Variants in CCSER1 observed in about 807,000 individuals in gnomAD.
CCSER1 encodes serine-rich coiled-coil domain-containing protein 1.
CCSER1 carries 41 observed loss-of-function variants against 82.0 expected under a neutral mutation model. That is an observed-to-expected ratio of 0.50 (90% CI 0.39 to 0.65). The LOEUF is 0.65. Among genes scored for constraint, CCSER1 ranks in the 30% least tolerant of loss-of-function variants. The pLI, the probability that CCSER1 is intolerant of heterozygous loss-of-function variation, is 0.00. For synonymous variants in CCSER1, 414 were observed against 383.9 expected (o/e 1.08, Z -0.92); for missense variants, 1,119 against 1,064.2 (o/e 1.05, Z -0.72).
intron 6 of CCSER1, among the ~76,000 whole-genome samples, chr4:90,702,023 G>T (rs571119537): frequency 6.6e-6 from 1 of 152,092 alleles, no homozygotes; most frequent in Non-Finnish European, 1.5e-5. Context: ...GAATAGGAGC[G>T]GTGAGAGAGG....
At chr4:91,593,493 T>A (rs889141889) in intron 10 of CCSER1, among the ~76,000 whole-genome samples, 2 of 146,416 alleles carry the variant, frequency 1.4e-5, no homozygotes, top group South Asian at 4.4e-4. Flanking sequence ...TTTTTTTTTT[T>A]AGTACAGACA....
At chr4:90,397,774 T>C (rs1182257843) in intron 3 of CCSER1, among the ~76,000 whole-genome samples, 2 of 152,124 alleles carry the variant, frequency 1.3e-5, no homozygotes, top group Admixed American at 1.3e-4. Flanking sequence ...GCTAGATGGA[T>C]TGGGTAGGGT....
intron 1 of CCSER1, among the ~76,000 whole-genome samples, chr4:90,248,248 C>T (rs993403084): frequency 3.9e-5 from 6 of 152,030 alleles, no homozygotes; most frequent in Non-Finnish European, 7.4e-5. Context: ...TTTCCTAGGG[C>T]GTGTCACACA....
chr4:91,396,707 G>T (rs536052408), intron 10 of CCSER1, among the ~76,000 whole-genome samples: 1 of 152,082 alleles, frequency 6.6e-6, no homozygotes, highest in East Asian at 1.9e-4. Flanking sequence ...TTTTACTTGA[G>T]AAGATAAGCA....
At chr4:90,993,526 C>T (rs1737221174) in intron 9 of CCSER1, among the ~76,000 whole-genome samples, 1 of 151,654 alleles carries the variant, frequency 6.6e-6, no homozygotes, top group African/African-American at 2.4e-5. Context: ...CAATATATTA[C>T]TGTCTTAGAT....
intron 1 of CCSER1, among the ~76,000 whole-genome samples, chr4:90,242,886 T>C (rs1720628473): frequency 6.6e-6 from 1 of 152,140 alleles, no homozygotes; most frequent in African/African-American, 2.4e-5. Flanking sequence ...AAATCTTAGA[T>C]TGCACATCCT....
At chr4:91,279,781 G>T (rs541356046) in intron 10 of CCSER1, among the ~76,000 whole-genome samples, 142 of 152,160 alleles carry the variant, frequency 9.3e-4, no homozygotes, top group African/African-American at 3.1e-3. Flanking sequence ...GAGAATGATT[G>T]TGTTTTTTGG....
intron 1 of CCSER1, among the ~76,000 whole-genome samples, chr4:90,172,896 A>T (rs1275127144): frequency 1.3e-5 from 2 of 151,880 alleles, no homozygotes; most frequent in Non-Finnish European, 2.9e-5. Context: ...GGATTGTAAA[A>T]TCTGCAATAA....
chr4:90,405,772 A>G (rs934298081), intron 4 of CCSER1, among the ~76,000 whole-genome samples: 1 of 152,188 alleles, frequency 6.6e-6, no homozygotes, highest in Non-Finnish European at 1.5e-5. Context: ...AGCTTCATAA[A>G]TGAAGGAAAG....
intron 1 of CCSER1, among the ~76,000 whole-genome samples, chr4:90,204,937 T>G (rs769663564): frequency 2.0e-5 from 3 of 152,202 alleles, no homozygotes; most frequent in Non-Finnish European, 4.4e-5. Flanking sequence ...TCCTAGGTAT[T>G]TAATTCTCTT....
At position 90,815,786 on chromosome 4, in the gene CCSER1, A is replaced by G. The variant is rs1461905052; in HGVS notation, c.2035A>G (p.Met679Val). The part of the protein sequence containing the change: ...FKDIMKDECS[M>V]LKLQLKEKDE... ...GGATATAATGAAAGATGAATGCTCG[A>G]TGCTCAAGCTGCAGCTGAAAGAGAA... The change falls in exon 8 of 11, where the codon ATG becomes GTG. Residue 679 changes from methionine to valine, a missense_variant. Coordinates refer to ENST00000509176, the MANE Select transcript of CCSER1 (RefSeq NM_001145065.2). The G allele has an allele frequency of 6.4e-7, 1 of 1,551,184 alleles. No homozygotes were observed. The highest frequency in any genetic ancestry group is 8.7e-7 in the Non-Finnish European group (1 of 1,146,756).
intron 8 of CCSER1, among the ~76,000 whole-genome samples, chr4:90,899,901 T>C (rs780005081): frequency 2.0e-5 from 3 of 151,906 alleles, no homozygotes; most frequent in Admixed American, 2.0e-4. Context: ...TGTTGACTTA[T>C]AGTTTTCTTT....
At chr4:90,359,982 G>T (rs1745060854) in intron 3 of CCSER1, among the ~76,000 whole-genome samples, 1 of 147,896 alleles carries the variant, frequency 6.8e-6, no homozygotes, top group South Asian at 2.1e-4. Flanking sequence ...GTGGGAGCAA[G>T]ATCTCGGCTT....
chr4:90,183,597 T>A (rs1414992509), intron 1 of CCSER1, among the ~76,000 whole-genome samples: 1 of 152,150 alleles, frequency 6.6e-6, no homozygotes, highest in Non-Finnish European at 1.5e-5. Flanking sequence ...GTGGAACAAA[T>A]AATGAACAAT....
intron 1 of CCSER1, among the ~76,000 whole-genome samples, chr4:90,285,786 T>G (rs954189223): frequency 2.9e-4 from 44 of 152,192 alleles, no homozygotes; most frequent in African/African-American, 1.1e-3. Flanking sequence ...TTGTCATATA[T>G]GGCCTTTTAT....
At chr4:91,475,979 C>A (rs1054224090) in intron 10 of CCSER1, among the ~76,000 whole-genome samples, 4 of 151,672 alleles carry the variant, frequency 2.6e-5, no homozygotes, top group Non-Finnish European at 5.9e-5. Context: ...GGATTTCATT[C>A]TTTTTTATGA....
intron 10 of CCSER1, among the ~76,000 whole-genome samples, chr4:91,312,323 G>T (rs1745544097): frequency 6.6e-6 from 1 of 151,682 alleles, no homozygotes; most frequent in Non-Finnish European, 1.5e-5. Flanking sequence ...GGAGAAAGAG[G>T]CAGAGATTCC....
At chr4:90,139,826 G>A (rs1724403927) in intron 1 of CCSER1, among the ~76,000 whole-genome samples, 1 of 152,104 alleles carries the variant, frequency 6.6e-6, no homozygotes, top group African/African-American at 2.4e-5. Context: ...CAGGTGTGGT[G>A]GCAGGTATCT....
At chr4:91,376,963 T>C (rs1477165860) in intron 10 of CCSER1, among the ~76,000 whole-genome samples, 2 of 149,592 alleles carry the variant, frequency 1.3e-5, no homozygotes, top group African/African-American at 2.4e-5. Flanking sequence ...ACTGTCCTCA[T>C]TGTTCAATTC....
Sources: gnomAD v4.1 joint callset for allele counts (sites outside exome capture counted in the v4.1 genomes callset) on GRCh38, gnomAD v4.1.1 for gene constraint, MANE v1.5 for transcripts, NCBI Gene and HGNC (gene_info 2026-07-23, HGNC 2026-07-21) for gene names.